Variants in ARSB observed in about 807,000 individuals in gnomAD.
ARSB encodes arylsulfatase B, also known as N-acetylgalactosamine-4-sulfatase.
Under a neutral mutation model 50.9 loss-of-function variants are expected in ARSB, and 41 were observed. The observed-to-expected ratio is 0.81, with a 90% confidence interval of 0.63 to 1.04. The LOEUF (loss-of-function observed/expected upper bound fraction) is 1.04. Among genes scored for constraint, ARSB ranks in the 50% least tolerant of loss-of-function variants. The probability of loss-of-function intolerance (pLI) is 0.00; values close to 1 mark genes in which losing one functional copy is unlikely to be tolerated. For synonymous variants in ARSB, 269 were observed against 284.8 expected, an observed-to-expected ratio of 0.94 and a Z score of 0.56; for missense variants, 672 against 693.3, an observed-to-expected ratio of 0.97 and a Z score of 0.35.
At chr5:78,943,762 T>C (rs541641756) in intron 4 of ARSB, among the ~76,000 whole-genome samples, 158 of 152,258 alleles carry the variant, frequency 1.0e-3, no homozygotes, top group African/African-American at 3.6e-3. Context: ...TGTCTTGGAG[T>C]TGCTCTTCTC....
intron 6 of ARSB, among the ~76,000 whole-genome samples, chr5:78,803,306 T>TAATACAATTAAATTAATACAATTA (rs2112648440): frequency 1.3e-5 from 2 of 152,364 alleles, no homozygotes; most frequent in African/African-American, 4.8e-5. Flanking sequence ...CCTCTTGTAT[T>TAATACAATTAAATTAATACAATTA]AATACAATTA....
chr5:78,940,909 C>T (rs545252137), intron 4 of ARSB, among the ~76,000 whole-genome samples: 4 of 152,232 alleles, frequency 2.6e-5, no homozygotes, highest in Admixed American at 6.5e-5. Flanking sequence ...ATTCTTCCTA[C>T]CCATGAGCAT....
chr5:78,858,812 A>T (rs12187584), intron 5 of ARSB, among the ~76,000 whole-genome samples: 1 of 152,038 alleles, frequency 6.6e-6, no homozygotes, highest in Non-Finnish European at 1.5e-5. Flanking sequence ...CATCTTCACT[A>T]CCAGCTACCG....
intron 5 of ARSB, among the ~76,000 whole-genome samples, chr5:78,870,001 A>G: frequency 7.0e-6 from 1 of 143,510 alleles, no homozygotes; most frequent in Non-Finnish European, 1.5e-5. Flanking sequence ...GATCCCACAG[A>G]AATACAAACT....
At position 78,964,547 on chromosome 5, in the gene ARSB, G is replaced by A. The variant is rs763983215; in HGVS notation, c.559C>T (p.Leu187=). ...TCAAGAGCACATCGTGTGACATTCA[G>A]AGCGTCAATTAATGTACAGCGTTCA... ...SHERCTLIDA[L]NVTRCALDFR... The change falls in exon 3 of 8, where the codon CTG becomes TTG. Residue 187 remains leucine, a synonymous_variant. Coordinates refer to ENST00000264914, the MANE Select transcript of ARSB (RefSeq NM_000046.5). 1.9e-6 allele frequency: 3 copies of A among 1,613,994 alleles called. No homozygotes were observed. Among genetic ancestry groups the A allele is most frequent in the Non-Finnish European group, 1.7e-6 (2 of 1,179,938 alleles).
Position 78,866,356 on chromosome 5 carries a change from A to C in ARSB, c.1142+19228T>G, listed in dbSNP as rs535311655. On this transcript the variant is annotated intron_variant, in intron 5 of 7. Transcript: ENST00000264914. ...CTTGTGAGCCCTATTCACTATCATG[A>C]GAACAGCATAGGAAAGACCTGCCCC... is the stretch of plus-strand genomic sequence containing the variant. Among the ~76,000 whole-genome samples, 10 of 152,280 alleles carry C rather than the reference A, an allele frequency of 6.6e-5. No homozygotes were observed. The South Asian group carries it at 1.5e-3, about 22-fold the overall frequency.
intron 3 of ARSB, among the ~76,000 whole-genome samples, chr5:78,956,097 T>C (rs1347631838): frequency 2.0e-5 from 3 of 152,208 alleles, no homozygotes; most frequent in Non-Finnish European, 4.4e-5. Context: ...ACATTATTCA[T>C]AATAGCCAAA....
At chr5:78,901,118 T>A (rs1748786341) in intron 4 of ARSB, among the ~76,000 whole-genome samples, 1 of 151,710 alleles carries the variant, frequency 6.6e-6, no homozygotes, top group Non-Finnish European at 1.5e-5. Context: ...GACCTCCTCT[T>A]CTGCCTCCCT....
chr5:78,797,257 C>T (rs1234115286), intron 6 of ARSB, among the ~76,000 whole-genome samples: 1 of 152,130 alleles, frequency 6.6e-6, no homozygotes, highest in African/African-American at 2.4e-5. Context: ...CCACTGCGCC[C>T]GGCCTCTACC....
intron 4 of ARSB, among the ~76,000 whole-genome samples, chr5:78,935,473 G>A (rs73771305): frequency 0.031 from 4,742 of 152,208 alleles, 262 homozygotes; most frequent in African/African-American, 0.11. Context: ...GTTTCCCAGG[G>A]CCTAGCAGAG....
rs878984794 is a variant in ARSB at position 78,780,750 on chromosome 5, C to T, written c.1337-88G>A. ...GAAGGAGTCTGAGGCCAAGGCTGCA[C>T]TGGGTTGTGGGTGTGGAAACATAAA... On this transcript the variant is annotated intron_variant, in intron 7 of 7. Transcript: ENST00000264914. 3.6e-5 allele frequency: 54 copies of T among 1,513,264 alleles called. No homozygotes were observed. The East Asian group carries it at 3.9e-4, about 11-fold the overall frequency. The allele number at this position is 1,513,264 out of a possible 1,614,324, so 93.7% of individuals were successfully genotyped here. A position where few individuals can be genotyped will look rare whatever the true frequency, so the allele number is the denominator to read the frequency against.
intron 4 of ARSB, among the ~76,000 whole-genome samples, chr5:78,946,502 C>G (rs56127799): frequency 0.041 from 6,279 of 152,140 alleles, 327 homozygotes; most frequent in African/African-American, 0.12. Context: ...AGAAAGTTAT[C>G]CCTTTTACAA....
intron 6 of ARSB, among the ~76,000 whole-genome samples, chr5:78,820,814 T>C (rs1411827351): frequency 4.0e-5 from 6 of 151,726 alleles, no homozygotes; most frequent in Admixed American, 6.6e-5. Context: ...CCACCAAAAA[T>C]GCCTGCAAAA....
chr5:78,879,941 T>G (rs1747666892), intron 5 of ARSB, among the ~76,000 whole-genome samples: 1 of 150,930 alleles, frequency 6.6e-6, no homozygotes, highest in South Asian at 2.1e-4. Context: ...AGTCTTGAAA[T>G]GTATGATCAA....
chr5:78,795,009 T>C (rs989082852), intron 6 of ARSB, among the ~76,000 whole-genome samples: 4 of 152,226 alleles, frequency 2.6e-5, no homozygotes, highest in African/African-American at 4.8e-5. Context: ...TTCTAGCTGA[T>C]AAAATCAGTA....
intron 6 of ARSB, among the ~76,000 whole-genome samples, chr5:78,806,107 T>C (rs1306442175): frequency 1.3e-5 from 2 of 152,206 alleles, no homozygotes; most frequent in African/African-American, 4.8e-5. Flanking sequence ...AGAGAGAAAA[T>C]AGGGTGGCCT....
intron 5 of ARSB, among the ~76,000 whole-genome samples, chr5:78,865,414 T>G (rs970109434): frequency 2.6e-5 from 4 of 152,230 alleles, no homozygotes; most frequent in South Asian, 4.2e-4. Flanking sequence ...ACCAAATCCC[T>G]AGGCTGTACA....
chr5:78,949,861 G>A (rs545470889), intron 4 of ARSB, among the ~76,000 whole-genome samples: 4 of 152,302 alleles, frequency 2.6e-5, no homozygotes, highest in Admixed American at 6.5e-5. Context: ...AGCAAGCCAA[G>A]ATCATGCTAC....
intron 4 of ARSB, among the ~76,000 whole-genome samples, chr5:78,924,894 T>TA (rs1426446617): frequency 6.6e-6 from 1 of 152,218 alleles, no homozygotes; most frequent in Non-Finnish European, 1.5e-5. Flanking sequence ...ATGTGTCTCT[T>TA]ACTCTCTACA....
Sources: allele counts gnomAD v4.1 joint callset (sites outside exome capture counted in the v4.1 genomes callset), GRCh38; gene constraint gnomAD v4.1.1; transcripts MANE v1.5; gene names NCBI Gene and HGNC (gene_info 2026-07-23, HGNC 2026-07-21).